Variants in AGBL4 observed in about 807,000 individuals in gnomAD.
AGBL4 encodes the protein cytosolic carboxypeptidase 6.
Under a neutral mutation model 66.4 loss-of-function variants are expected in AGBL4, and 58 were observed. That is an observed-to-expected ratio of 0.87 (90% CI 0.71 to 1.09). The LOEUF is 1.09. Among genes scored for constraint, AGBL4 ranks in the 50% least tolerant of loss-of-function variants. The pLI is 0.00. For missense variants in AGBL4, 579 were observed against 631.0 expected (o/e 0.92, Z 0.88); for synonymous variants, 234 against 222.9 (o/e 1.05, Z -0.44).
chr1:49,433,750 G>A (rs890660554), intron 3 of AGBL4, among the ~76,000 whole-genome samples: 2 of 152,102 alleles, frequency 1.3e-5, no homozygotes, highest in African/African-American at 4.8e-5. Context: ...GTATATTGAA[G>A]CCTAAGTTTA....
chr1:49,451,740 CTG>C (rs1201407811), intron 3 of AGBL4, among the ~76,000 whole-genome samples: 1 of 151,946 alleles, frequency 6.6e-6, no homozygotes, highest in Non-Finnish European at 1.5e-5. Context: ...GAGGCAGAGA[CTG>C]AGTGTGATTT....
At chr1:49,600,485 T>G (rs1330400928) in intron 3 of AGBL4, among the ~76,000 whole-genome samples, 1 of 152,218 alleles carries the variant, frequency 6.6e-6, no homozygotes, top group East Asian at 1.9e-4. Context: ...CCACCAATTA[T>G]TTTGAGCCTA....
chr1:48,660,789 C>T (rs150297039), intron 7 of AGBL4, among the ~76,000 whole-genome samples: 68 of 152,252 alleles, frequency 4.5e-4, no homozygotes, highest in African/African-American at 1.5e-3. Context: ...TTCCCTGAGG[C>T]TCCGCATCCT....
At chr1:49,791,026 G>A (rs756641332) in intron 2 of AGBL4, among the ~76,000 whole-genome samples, 1 of 152,094 alleles carries the variant, frequency 6.6e-6, no homozygotes, top group East Asian at 1.9e-4. Context: ...GAATTAGACT[G>A]TTATAAGGTT....
chr1:48,932,102 G>A (rs1236083260), intron 5 of AGBL4, among the ~76,000 whole-genome samples: 1 of 152,146 alleles, frequency 6.6e-6, no homozygotes, highest in African/African-American at 2.4e-5. Flanking sequence ...TGGGAATCCT[G>A]CCAGCACCAG....
chr1:49,970,169 AG>A (rs1657934428), intron 1 of AGBL4, among the ~76,000 whole-genome samples: 1 of 152,296 alleles, frequency 6.6e-6, no homozygotes, highest in East Asian at 1.9e-4. Flanking sequence ...ATAAGGGAAA[AG>A]CTTCTTGCCA....
intron 3 of AGBL4, among the ~76,000 whole-genome samples, chr1:49,568,349 T>C (rs1041955688): frequency 6.6e-6 from 1 of 151,958 alleles, no homozygotes; most frequent in South Asian, 2.1e-4. Flanking sequence ...ATAACTGTCA[T>C]GCTGAGAGCC....
At chr1:49,656,489 C>T (rs1334353446) in intron 3 of AGBL4, among the ~76,000 whole-genome samples, 1 of 152,156 alleles carries the variant, frequency 6.6e-6, no homozygotes, top group African/African-American at 2.4e-5. Context: ...AGAGGGAATA[C>T]TCCCTAACTC....
intron 9 of AGBL4, among the ~76,000 whole-genome samples, chr1:48,613,658 T>C (rs928089138): frequency 2.6e-5 from 4 of 152,186 alleles, no homozygotes; most frequent in Admixed American, 1.3e-4. Flanking sequence ...TTCTCTGCCA[T>C]AAAACAGCAG....
At chr1:49,228,460 A>C (rs1300464330) in intron 4 of AGBL4, among the ~76,000 whole-genome samples, 2 of 152,170 alleles carry the variant, frequency 1.3e-5, no homozygotes, top group Non-Finnish European at 2.9e-5. Flanking sequence ...TAGGATAAGT[A>C]GGGTAGATGC....
intron 4 of AGBL4, among the ~76,000 whole-genome samples, chr1:49,130,273 C>T (rs910014848): frequency 9.9e-4 from 151 of 152,270 alleles, no homozygotes; most frequent in Non-Finnish European, 2.0e-3. Context: ...TGCCTGTTCA[C>T]TCTGATGGTA....
At chr1:48,632,760 T>G (rs1460843767) in intron 9 of AGBL4, among the ~76,000 whole-genome samples, 1 of 152,216 alleles carries the variant, frequency 6.6e-6, no homozygotes, top group Non-Finnish European at 1.5e-5. Flanking sequence ...AAAAAAAATG[T>G]AGGAGCTTGT....
At chr1:48,899,090 C>A (rs1480023033) in intron 5 of AGBL4, among the ~76,000 whole-genome samples, 2 of 152,256 alleles carry the variant, frequency 1.3e-5, no homozygotes, top group Non-Finnish European at 2.9e-5. Context: ...CTCAGCCTCC[C>A]TGCAGGCTGG....
At chr1:49,414,220 G>A (rs1488262228) in intron 3 of AGBL4, among the ~76,000 whole-genome samples, 1 of 152,062 alleles carries the variant, frequency 6.6e-6, no homozygotes, top group Non-Finnish European at 1.5e-5. Context: ...CCCATATAGT[G>A]TAGTGCTATA....
chr1:49,521,647 A>G (rs1650272621), intron 3 of AGBL4, among the ~76,000 whole-genome samples: 1 of 152,136 alleles, frequency 6.6e-6, no homozygotes, highest in Non-Finnish European at 1.5e-5. Flanking sequence ...TACCATAGAA[A>G]AAAACTAACA....
Position 49,688,255 on chromosome 1 carries a change from G to C in AGBL4, c.282+9058C>G, listed in dbSNP as rs1172722698. The stretch of plus-strand genomic sequence containing the variant: ...CCAGCCTCTGGTAACCATCCTTCTA[G>C]TCTCCACCTCCATGAGTTAAATTGT... On this transcript the variant is annotated intron_variant, in intron 3 of 13. Transcript: ENST00000371839. 3.9e-5 allele frequency among the ~76,000 whole-genome samples: 6 copies of C among 152,058 alleles called. No individual in the cohort carries two copies. In the East Asian group the frequency reaches 9.6e-4, roughly 24 times the overall value.
intron 9 of AGBL4, among the ~76,000 whole-genome samples, chr1:48,620,114 C>G (rs1432294772): frequency 6.6e-6 from 1 of 152,072 alleles, no homozygotes; most frequent in Non-Finnish European, 1.5e-5. Context: ...GCAGGAAACC[C>G]TATGAAAGAA....
intron 3 of AGBL4, among the ~76,000 whole-genome samples, chr1:49,282,690 G>A (rs997002098): frequency 6.6e-6 from 1 of 152,210 alleles, no homozygotes; most frequent in Non-Finnish European, 1.5e-5. Flanking sequence ...AAAGCAGGGC[G>A]AGGCATTGCC....
intron 5 of AGBL4, among the ~76,000 whole-genome samples, chr1:49,017,670 T>C (rs1662919270): frequency 6.6e-6 from 1 of 152,172 alleles, no homozygotes; most frequent in Non-Finnish European, 1.5e-5. Context: ...AGAAATCATG[T>C]CTAGATTGCT....
Sources: allele counts gnomAD v4.1 joint callset (sites outside exome capture counted in the v4.1 genomes callset), GRCh38; gene constraint gnomAD v4.1.1; transcripts MANE v1.5; gene names NCBI Gene and HGNC (gene_info 2026-07-23, HGNC 2026-07-21).